Variants in MME observed in about 807,000 individuals in gnomAD.
The protein encoded by MME is neprilysin.
Under a neutral mutation model 113.2 loss-of-function variants are expected in MME, and 98 were observed. That is an observed-to-expected ratio of 0.87 (90% confidence interval 0.74 to 1.02). The LOEUF (loss-of-function observed/expected upper bound fraction) is 1.02, where lower values mean the gene tolerates loss of function less well. Among genes scored for constraint, MME ranks in the 50% least tolerant of loss-of-function variants. MME has a pLI of 0.00. For missense variants in MME, 836 were observed against 896.0 expected, an observed-to-expected ratio of 0.93 and a Z score of 0.86; for synonymous variants, 292 against 300.6, an observed-to-expected ratio of 0.97 and a Z score of 0.30.
At chr3:155,060,024 T>G (rs1256017865) in intron 1 of MME, among the ~76,000 whole-genome samples, 1 of 152,154 alleles carries the variant, frequency 6.6e-6, no homozygotes, top group Non-Finnish European at 1.5e-5. Context: ...TTTTGAACAG[T>G]AACAATAAGG....
chr3:155,152,431 GC>G (rs1254744924), intron 16 of MME, among the ~76,000 whole-genome samples: 1 of 152,134 alleles, frequency 6.6e-6, no homozygotes, highest in Non-Finnish European at 1.5e-5. Flanking sequence ...TGTCACCAGA[GC>G]TTAAACACTA....
intron 8 of MME, among the ~76,000 whole-genome samples, chr3:155,126,059 A>G (rs973740687): frequency 1.5e-4 from 23 of 152,230 alleles, no homozygotes; most frequent in African/African-American, 5.1e-4. Context: ...GAATGACTAC[A>G]CAACACTGAA....
At chr3:155,059,512 C>T (rs1714065675) in intron 1 of MME, among the ~76,000 whole-genome samples, 1 of 152,050 alleles carries the variant, frequency 6.6e-6, no homozygotes, top group Admixed American at 6.6e-5. Flanking sequence ...CTCCAGGATT[C>T]CACAATTAGT....
In MME at chr3:155,114,656, G is replaced by A. The variant is rs61763247; in HGVS notation, c.197-338G>A. On this transcript the variant is annotated intron_variant, in intron 3 of 22. Transcript: ENST00000360490. ...GTGAAGAATGGCATGCTAACCTCAG[G>A]TGCAGGATGGCCAACTCAAAGTAGA... is the stretch of plus-strand genomic sequence containing the variant. Among the ~76,000 whole-genome samples the A allele has an allele frequency of 9.5e-3, 1,442 of 152,196 alleles. 19 individuals are homozygous for A. The highest frequency in any genetic ancestry group is 0.024 in the Middle Eastern group (7 of 292).
chr3:155,114,307 G>C (rs1475272414), intron 3 of MME, among the ~76,000 whole-genome samples: 2 of 152,120 alleles, frequency 1.3e-5, no homozygotes, highest in African/African-American at 4.8e-5. Flanking sequence ...GCTCCTACCA[G>C]AGTCAACGTC....
At chr3:155,159,113 C>T (rs975989904) in intron 16 of MME, 15 of 151,852 alleles carry the variant, frequency 9.9e-5, no homozygotes, top group Admixed American at 3.3e-4. Flanking sequence ...TATATATTGC[C>T]CTGTGCTAGT....
chr3:155,040,398 G>T (rs899625155), intron 1 of MME, among the ~76,000 whole-genome samples: 1 of 152,122 alleles, frequency 6.6e-6, no homozygotes, highest in Non-Finnish European at 1.5e-5. Context: ...TGCCTGAACA[G>T]ACACTTGCCT....
At chr3:155,163,990 A>G (rs1419899718) in intron 17 of MME, among the ~76,000 whole-genome samples, 3 of 151,982 alleles carry the variant, frequency 2.0e-5, no homozygotes, top group African/African-American at 7.2e-5. Flanking sequence ...AAAAACTACA[A>G]AAAATTAACT....
intron 22 of MME, among the ~76,000 whole-genome samples, chr3:155,177,726 G>GT (rs992642371): frequency 6.6e-6 from 1 of 152,034 alleles, no homozygotes; most frequent in Non-Finnish European, 1.5e-5. Flanking sequence ...ATGGACATTT[G>GT]TTTTTTTCAA....
chr3:155,158,474 T>G (rs1439081501), intron 16 of MME: 1 of 152,098 alleles, frequency 6.6e-6, no homozygotes, highest in African/African-American at 2.4e-5. Context: ...TGTTTCCCCC[T>G]AGGAGTAGTA....
At chr3:155,093,445 T>G (rs1716462959) in intron 3 of MME, among the ~76,000 whole-genome samples, 1 of 152,130 alleles carries the variant, frequency 6.6e-6, no homozygotes, top group African/African-American at 2.4e-5. Context: ...GCCATCTGGA[T>G]CAAAGCCAGA....
intron 22 of MME, among the ~76,000 whole-genome samples, chr3:155,176,322 T>C (rs1368470813): frequency 6.6e-6 from 1 of 152,134 alleles, no homozygotes; most frequent in Admixed American, 6.6e-5. Flanking sequence ...ATAAGTTATT[T>C]TACATAATAA....
At chr3:155,040,532 T>C (rs1713276925) in intron 1 of MME, among the ~76,000 whole-genome samples, 1 of 151,906 alleles carries the variant, frequency 6.6e-6, no homozygotes, top group Middle Eastern at 3.4e-3. Flanking sequence ...ATATATAATA[T>C]ATTTACATAT....
upstream of MME, among the ~76,000 whole-genome samples, chr3:155,077,469 C>T (rs1714785964): frequency 6.6e-6 from 1 of 152,042 alleles, no homozygotes; most frequent in Non-Finnish European, 1.5e-5. Context: ...TCTTTAAGAT[C>T]CCTTAAAAAA....
In MME at chr3:155,119,511, C is replaced by A. The variant is rs1213547533; in HGVS notation, c.720+700C>A. Among the ~76,000 whole-genome samples the A allele has an allele frequency of 2.2e-5, 3 of 139,534 alleles. No homozygotes were observed. In the East Asian group the frequency reaches 6.5e-4, roughly 30 times the overall value. The allele number at this position is 139,534 out of a possible 152,430, so 91.5% of individuals were successfully genotyped here. A position where few individuals can be genotyped will look rare whatever the true frequency, so the allele number is the denominator to read the frequency against. On this transcript the variant is annotated intron_variant, in intron 8 of 22. Transcript: ENST00000360490. ...ATACATGTGCCATGCTGGTGCGCTG[C>A]ACCCACTAACTCGTCATCTAGCATT...
intron 1 of MME, among the ~76,000 whole-genome samples, chr3:155,029,310 C>G (rs982532410): frequency 6.6e-6 from 1 of 152,004 alleles, no homozygotes; most frequent in Admixed American, 6.6e-5. Flanking sequence ...GTTTCATAAA[C>G]CTTTTATAAC....
chr3:155,182,664 G>C lies in MME; in HGVS notation c.*2205G>C, dbSNP rs199691059. 2.0e-5 allele frequency: 3 copies of C among 152,224 alleles called. No homozygotes were observed. Among genetic ancestry groups the C allele is most frequent in the South Asian group, 2.1e-4 (1 of 4,830 alleles). The allele number at this position is 152,224 out of a possible 1,614,324, so 9.4% of individuals were successfully genotyped here. A position where few individuals can be genotyped will look rare whatever the true frequency, so the allele number is the denominator to read the frequency against. ...TGTCAGAGCAGGTGAAGAGCCAGAA[G>C]TGAAGAGTGACTAGTACAAATTATA... is the stretch of plus-strand genomic sequence containing the variant. On this transcript the variant is annotated 3_prime_UTR_variant, in exon 23 of 23. Coordinates refer to ENST00000360490, the MANE Select transcript of MME (RefSeq NM_007289.4).
intron 1 of MME, among the ~76,000 whole-genome samples, chr3:155,046,553 G>C (rs1713567452): frequency 6.6e-6 from 1 of 152,114 alleles, no homozygotes; most frequent in African/African-American, 2.4e-5. Flanking sequence ...AGGTGGGCGT[G>C]GTGGTGGGCA....
chr3:155,098,733 G>A (rs1716960024), intron 3 of MME, among the ~76,000 whole-genome samples: 2 of 152,148 alleles, frequency 1.3e-5, no homozygotes, highest in Admixed American at 1.3e-4. Context: ...ACTGTTCTGG[G>A]TGATGAGAAC....
Sources: gnomAD v4.1 joint callset for allele counts (sites outside exome capture counted in the v4.1 genomes callset) on GRCh38, gnomAD v4.1.1 for gene constraint, MANE v1.5 for transcripts, NCBI Gene and HGNC (gene_info 2026-07-23, HGNC 2026-07-21) for gene names.